ABHD13: variants seen among roughly 807,000 people sequenced by gnomAD.
The protein encoded by ABHD13 is abhydrolase domain containing 13.
A neutral mutation model predicts 25.2 loss-of-function variants in ABHD13; 7 were observed. The observed-to-expected ratio is 0.28, with a 90% CI of 0.16 to 0.52. The LOEUF (loss-of-function observed/expected upper bound fraction) is 0.52. Among genes scored for constraint, ABHD13 ranks in the 20% least tolerant of loss-of-function variants. The probability of loss-of-function intolerance (pLI) is 0.96; values close to 1 mark genes in which losing one functional copy is unlikely to be tolerated. For missense variants in ABHD13, 302 were observed against 402.7 expected (o/e 0.75, Z 2.14); for synonymous variants, 133 against 136.1 (o/e 0.98, Z 0.16).
chr13:108,223,545 C>G (rs536279123), intron 1 of ABHD13, among the ~76,000 whole-genome samples: 1 of 152,272 alleles, frequency 6.6e-6, no homozygotes, highest in Admixed American at 6.5e-5. Flanking sequence ...CTGGATTATT[C>G]CCTCATTTAC....
intron 1 of ABHD13, among the ~76,000 whole-genome samples, chr13:108,227,071 G>A (rs1293968774): frequency 1.3e-5 from 2 of 151,924 alleles, no homozygotes; most frequent in South Asian, 2.1e-4. Flanking sequence ...CTTTTATTCC[G>A]ACTTCCATAG....
intron 1 of ABHD13, among the ~76,000 whole-genome samples, chr13:108,220,253 C>T (rs1036989363): frequency 1.3e-5 from 2 of 152,168 alleles, no homozygotes; most frequent in Non-Finnish European, 2.9e-5. Flanking sequence ...AAGCCAGGTA[C>T]CTACAGGTAG....
rs932409405 is a variant in ABHD13, at chr13:108,232,352, A to G, written c.*2120A>G. ...TACCTTCATTCTCTTAGGGTTAAGG[A>G]GCCTTTCTTTCTGCAGCTAAGGGCA... On this transcript the variant is annotated 3_prime_UTR_variant, in exon 2 of 2. Coordinates refer to ENST00000375898, the MANE Select transcript of ABHD13 (RefSeq NM_032859.3). The G allele has an allele frequency of 1.2e-5, 2 of 166,874 alleles. No homozygotes were observed. The highest frequency in any genetic ancestry group is 2.9e-5 in the Non-Finnish European group (2 of 68,020). The allele number at this position is 166,874 out of a possible 1,614,324, so 10.3% of individuals were successfully genotyped here. A position where few individuals can be genotyped will look rare whatever the true frequency, so the allele number is the denominator to read the frequency against.
rs1465075373 is a variant in ABHD13, at chr13:108,233,169, A to G, written c.*2937A>G. On this transcript the variant is annotated 3_prime_UTR_variant, in exon 2 of 2. Coordinates refer to ENST00000375898, the MANE Select transcript of ABHD13 (RefSeq NM_032859.3). ...CTGTAGACACTTGATATTTACATAG[A>G]TTACAGCTTTGGTAATATGTCACTG... The G allele has an allele frequency of 6.0e-6, 1 of 166,840 alleles. No individual in the cohort carries two copies. Among genetic ancestry groups the G allele is most frequent in the Non-Finnish European group, 1.5e-5 (1 of 68,008 alleles). 10.3% of individuals were successfully genotyped at this position (166,840 alleles called of 1,614,324 possible). A position where few individuals can be genotyped will look rare whatever the true frequency, so the allele number is the denominator to read the frequency against.
intron 1 of ABHD13, among the ~76,000 whole-genome samples, chr13:108,225,340 T>C (rs1879652525): frequency 1.3e-5 from 2 of 152,072 alleles, no homozygotes. Context: ...ACAGGTGTGA[T>C]AATTGGAGCC....
intron 1 of ABHD13, among the ~76,000 whole-genome samples, chr13:108,228,280 C>T (rs1277351967): frequency 3.3e-5 from 5 of 151,584 alleles, no homozygotes; most frequent in Non-Finnish European, 7.4e-5. Context: ...CTTTATTTAT[C>T]TCTGTTTCTC....
intron 1 of ABHD13, among the ~76,000 whole-genome samples, chr13:108,223,305 C>G (rs1000260042): frequency 5.9e-5 from 9 of 152,184 alleles, no homozygotes; most frequent in African/African-American, 2.2e-4. Flanking sequence ...ACCTCTAAGT[C>G]TGAACAACCA....
chr13:108,229,457 T>A lies in ABHD13; in HGVS notation c.239T>A (p.Met80Lys). The A allele has an allele frequency of 6.2e-7, 1 of 1,613,520 alleles. No individual in the cohort carries two copies. Residue 80 changes from methionine (M) to lysine (K), a missense_variant, in exon 2 of 2, where the codon ATG becomes AAG. Coordinates refer to ENST00000375898, the MANE Select transcript of ABHD13 (RefSeq NM_032859.3). The surrounding 1 kb of genome is among the most constrained non-coding windows in gnomAD (Gnocchi z 4.7). Reference sequence around the variant, plus strand: ...TCCTCTTCACGTCTTTATGTTCCCATGCCCACTGGCATTCCACATGAAAAC... The same window carrying A: ...TCCTCTTCACGTCTTTATGTTCCCAAGCCCACTGGCATTCCACATGAAAAC... ...QPSSSRLYVP[M>K]PTGIPHENIF...
intron 1 of ABHD13, among the ~76,000 whole-genome samples, chr13:108,219,377 A>G (rs1030862050): frequency 6.6e-6 from 1 of 152,214 alleles, no homozygotes; most frequent in South Asian, 2.1e-4. Context: ...TATGTTTACT[A>G]TGTGATAGTA....
At chr13:108,218,827 G>T (rs1879460011) in intron 1 of ABHD13, among the ~76,000 whole-genome samples, 168 bp downstream of exon 1, 1 of 151,928 alleles carries the variant, frequency 6.6e-6, no homozygotes, top group South Asian at 2.1e-4. Context: ...GTCGTGCGGG[G>T]GCCGAGCGCC....
rs1212130309 is a variant in ABHD13, at chr13:108,218,576, G to C, written c.-104G>C. 1 of 152,086 alleles carries C rather than the reference G, an allele frequency of 6.6e-6. No homozygotes were observed. The highest frequency in any genetic ancestry group is 2.4e-5 in the African/African-American group (1 of 41,420). 9.4% of individuals were successfully genotyped at this position (152,086 alleles called of 1,614,324 possible). ...GGGCTGGAGGAGGATGATGAGGAGCGACGGAAGCGACGCGGGGGTACGCTG... is the reference window on the plus strand; with the variant it reads ...GGGCTGGAGGAGGATGATGAGGAGCCACGGAAGCGACGCGGGGGTACGCTG... On this transcript the variant is annotated 5_prime_UTR_variant, in exon 1 of 2. Coordinates refer to ENST00000375898, the MANE Select transcript of ABHD13 (RefSeq NM_032859.3).
At chr13:108,223,643 A>G (rs999886444) in intron 1 of ABHD13, among the ~76,000 whole-genome samples, 5 of 152,242 alleles carry the variant, frequency 3.3e-5, no homozygotes, top group African/African-American at 1.2e-4. Context: ...AATTTTACCC[A>G]TCATTGCTTA....
intron 1 of ABHD13, among the ~76,000 whole-genome samples, chr13:108,222,495 A>G (rs762770423): frequency 6.6e-6 from 1 of 152,168 alleles, no homozygotes; most frequent in Non-Finnish European, 1.5e-5. Context: ...GCATAAGGCA[A>G]TACAGTTATA....
In ABHD13 at chr13:108,224,722, T is replaced by C. The variant is rs550282067; in HGVS notation, c.-20-4477T>C. Among the ~76,000 whole-genome samples, 47 of 152,228 alleles carry C rather than the reference T, an allele frequency of 3.1e-4. No individual in the cohort carries two copies. The South Asian group carries it at 9.5e-3, about 31-fold the overall frequency. On this transcript the variant is annotated intron_variant, in intron 1 of 1. Transcript: ENST00000375898. ...TTTTAGTCTCAAATTGTTTATTGTA[T>C]ACCCGTCATGGACTTAAATTTAGAG...
intron 1 of ABHD13, among the ~76,000 whole-genome samples, chr13:108,220,534 C>A (rs1879545809): frequency 6.6e-6 from 1 of 152,136 alleles, no homozygotes. Context: ...TTTAAATAGC[C>A]TTTTTTCGTG....
chr13:108,229,716 C>T lies in ABHD13; in HGVS notation c.498C>T (p.Tyr166=). The change falls in exon 2 of 2, where the codon TAC becomes TAT. Residue 166 remains tyrosine (Y), a synonymous_variant. Coordinates refer to ENST00000375898, the MANE Select transcript of ABHD13 (RefSeq NM_032859.3). This position sits in a 1 kb window ranked among gnomAD's most constrained non-coding sequence, Gnocchi z 4.7. ...GAGAAGCAAGTGAAGAAGGACTCTA[C>T]TTAGATTCTGAAGCTGTGTTAGACT... is the stretch of plus-strand genomic sequence containing the variant. ...SEGEASEEGL[Y]LDSEAVLDYV... The T allele has an allele frequency of 6.2e-7, 1 of 1,613,318 alleles. No homozygotes were observed. Among genetic ancestry groups the T allele is most frequent in the Non-Finnish European group, 8.5e-7 (1 of 1,179,540 alleles).
chr13:108,222,255 G>T (rs79033085), intron 1 of ABHD13, among the ~76,000 whole-genome samples: 21,179 of 152,014 alleles, frequency 0.14, 1,781 homozygotes, highest in Non-Finnish European at 0.18. Flanking sequence ...TGATACAATA[G>T]ATTTGTCTAA....
rs1312119879 is a variant in ABHD13 at position 108,229,455 on chromosome 13, C to T, written c.237C>T (p.Pro79=). 7 of 1,613,420 alleles carry T rather than the reference C, an allele frequency of 4.3e-6. No homozygotes were observed. The highest frequency in any genetic ancestry group is 3.4e-6 in the Non-Finnish European group (4 of 1,179,558). The stretch of plus-strand genomic sequence containing the variant: ...CATCCTCTTCACGTCTTTATGTTCC[C>T]ATGCCCACTGGCATTCCACATGAAA... The part of the protein sequence containing the change: ...EQPSSSRLYV[P]MPTGIPHENI... Residue 79 remains proline (P), a synonymous_variant, in exon 2 of 2, where the codon CCC becomes CCT. Coordinates refer to ENST00000375898, the MANE Select transcript of ABHD13 (RefSeq NM_032859.3). This position sits in a 1 kb window ranked among gnomAD's most constrained non-coding sequence, Gnocchi z 4.7.
rs1879447828 is a variant in ABHD13 at position 108,218,640 on chromosome 13, C to G, written c.-40C>G. On this transcript the variant is annotated 5_prime_UTR_variant, in exon 1 of 2. Transcript: ENST00000375898. ...GGTTTCGTGCCCGCGGCCGACTGCG[C>G]AGCCTGTCCGCGAGTCTGAGTAAGT... 1.3e-5 allele frequency: 2 copies of G among 151,878 alleles called. No individual in the cohort carries two copies. Among genetic ancestry groups the G allele is most frequent in the Admixed American group, 1.3e-4 (2 of 15,270 alleles). 9.4% of individuals were successfully genotyped at this position (151,878 alleles called of 1,614,324 possible).
Sources: gnomAD v4.1 joint callset for allele counts (sites outside exome capture counted in the v4.1 genomes callset) on GRCh38, gnomAD v4.1.1 for gene constraint, Gnocchi (gnomAD v3.1) non-coding constraint, MANE v1.5 for transcripts, NCBI Gene and HGNC (gene_info 2026-07-23, HGNC 2026-07-21) for gene names.